Variants in SNX4 observed in about 807,000 individuals in gnomAD.
SNX4 encodes sorting nexin-4.
SNX4 carries 49 observed loss-of-function variants against 70.8 expected under a neutral mutation model. That is an observed-to-expected ratio of 0.69 (90% confidence interval 0.55 to 0.88). The LOEUF (loss-of-function observed/expected upper bound fraction) is 0.88, where lower values mean the gene tolerates loss of function less well. SNX4 is among the 40% of genes least tolerant of loss of function. The pLI is 0.00. For synonymous variants in SNX4, 206 were observed against 183.8 expected (o/e 1.12, Z -0.98); for missense variants, 528 against 544.8 (o/e 0.97, Z 0.31).
At chr3:125,459,782 C>T (rs1287492638) in intron 10 of SNX4, among the ~76,000 whole-genome samples, 1 of 152,068 alleles carries the variant, frequency 6.6e-6, no homozygotes, top group Non-Finnish European at 1.5e-5. Context: ...GGTGAGACTT[C>T]CTACTACTCA....
chr3:125,490,252 A>G (rs1005850599), intron 5 of SNX4, among the ~76,000 whole-genome samples: 2 of 151,644 alleles, frequency 1.3e-5, no homozygotes, highest in Non-Finnish European at 2.9e-5. Context: ...CACATGTACT[A>G]GGCCGGGCGC....
intron 1 of SNX4, among the ~76,000 whole-genome samples, chr3:125,507,457 G>C (rs1445980002): frequency 6.6e-6 from 1 of 151,902 alleles, no homozygotes; most frequent in South Asian, 2.1e-4. Flanking sequence ...AGAGGGGAGA[G>C]AGAAAAAGGA....
At chr3:125,448,868 G>A (rs1421085609) in intron 13 of SNX4, among the ~76,000 whole-genome samples, 2 of 151,424 alleles carry the variant, frequency 1.3e-5, no homozygotes, top group Non-Finnish European at 1.5e-5. Context: ...GTAGAGATGA[G>A]ATTTCACCGT....
At chr3:125,501,477 G>T (rs1934930692) in intron 2 of SNX4, among the ~76,000 whole-genome samples, 1 of 152,094 alleles carries the variant, frequency 6.6e-6, no homozygotes. Context: ...AAAATCAGCT[G>T]GGTGTGGTGG....
At chr3:125,456,833 G>C (rs1393038884) in intron 11 of SNX4, among the ~76,000 whole-genome samples, 1 of 152,070 alleles carries the variant, frequency 6.6e-6, no homozygotes, top group East Asian at 1.9e-4. Context: ...GCTAATTTTT[G>C]TATTTCTAGT....
chr3:125,506,507 A>ATTTT (rs554917775), intron 1 of SNX4, among the ~76,000 whole-genome samples: 13 of 134,700 alleles, frequency 9.7e-5, no homozygotes, highest in Non-Finnish European at 9.4e-5. Context: ...TACCAGGCTA[A>ATTTT]TTTTTTTTTT....
intron 13 of SNX4, among the ~76,000 whole-genome samples, chr3:125,450,797 T>C (rs1041913636): frequency 1.3e-5 from 2 of 152,260 alleles, no homozygotes; most frequent in East Asian, 1.9e-4. Context: ...CACGAAATAA[T>C]GTTCAAGCTA....
At chr3:125,464,564 C>CTTTTTTTTT (rs778518316) in intron 9 of SNX4, among the ~76,000 whole-genome samples, 7 of 67,054 alleles carry the variant, frequency 1.0e-4, no homozygotes, top group Non-Finnish European at 1.6e-4. Flanking sequence ...ATTTATCTTT[C>CTTTTTTTTT]TTTTTTTTTT....
At chr3:125,502,318 C>G (rs1169583813) in intron 2 of SNX4, among the ~76,000 whole-genome samples, 1 of 151,286 alleles carries the variant, frequency 6.6e-6, no homozygotes, top group Non-Finnish European at 1.5e-5. Context: ...CTCTCATTTC[C>G]TAAACTTCTT....
At chr3:125,497,493 GA>G (rs1475828159) in intron 4 of SNX4, 105 bp from the exon 5 acceptor site, 1 of 784,992 alleles carries the variant, frequency 1.3e-6, no homozygotes, top group African/African-American at 1.8e-5. Flanking sequence ...AGGAATTGGA[GA>G]GAGAAGTTTA....
chr3:125,461,309 G>C (rs74541185), intron 9 of SNX4, among the ~76,000 whole-genome samples: 1 of 152,208 alleles, frequency 6.6e-6, no homozygotes, highest in Non-Finnish European at 1.5e-5. Context: ...CAGTGATGTT[G>C]TAAGTACAGA....
intron 2 of SNX4, among the ~76,000 whole-genome samples, chr3:125,500,571 G>A (rs185817449): frequency 2.6e-5 from 4 of 152,080 alleles, no homozygotes; most frequent in Non-Finnish European, 5.9e-5. Flanking sequence ...GGAGGCCGAG[G>A]AGGGTGGATC....
chr3:125,463,989 C>T (rs1933945321), intron 9 of SNX4, among the ~76,000 whole-genome samples: 1 of 152,006 alleles, frequency 6.6e-6, no homozygotes, highest in African/African-American at 2.4e-5. Context: ...CGGTGGATTA[C>T]TTGAGCCCAG....
rs117445970 is a variant in SNX4 at position 125,475,008 on chromosome 3, G to A, written c.788+1687C>T. 8.5e-4 allele frequency among the ~76,000 whole-genome samples: 129 copies of A among 152,238 alleles called. 1 individual carries two copies. In the East Asian group the frequency reaches 0.021, roughly 25 times the overall value. On this transcript the variant is annotated intron_variant, in intron 8 of 13. Coordinates refer to ENST00000251775, the MANE Select transcript of SNX4 (RefSeq NM_003794.4). ...GACAGTATGAGGTAGACTTCAAAAC[G>A]TATAATACTATTTGTCTTTCTTCCC...
rs1934606274 is a variant in SNX4, at chr3:125,489,603, A to T, written c.598-140T>A. 4 of 659,094 alleles carry T rather than the reference A, an allele frequency of 6.1e-6. No homozygotes were observed. In the South Asian group the frequency reaches 7.6e-5, roughly 12 times the overall value. 40.8% of individuals were successfully genotyped at this position (659,094 alleles called of 1,614,324 possible). ...TGTTGTAAACACATTAAACATGCCT[A>T]AAAAAATAGCTTAGTAATTATTTTT... On this transcript the variant is annotated intron_variant, in intron 5 of 13. Transcript: ENST00000251775.
At position 125,447,690 on chromosome 3, in the gene SNX4, T is replaced by G; in HGVS notation, c.*89A>C. 1.2e-6 allele frequency: 1 copy of G among 811,818 alleles called. No individual in the cohort carries two copies. The highest frequency in any genetic ancestry group is 1.7e-5 in the South Asian group (1 of 57,956). The allele number at this position is 811,818 out of a possible 1,614,324, so 50.3% of individuals were successfully genotyped here. On this transcript the variant is annotated 3_prime_UTR_variant, in exon 14 of 14. Transcript: ENST00000251775. ...TTATTTAACTTATTGTATATGTTTATGTATACTAGGTAGTGACTTAAATTT... is the reference window on the plus strand; with the variant it reads ...TTATTTAACTTATTGTATATGTTTAGGTATACTAGGTAGTGACTTAAATTT...
In SNX4 at chr3:125,497,957, A is replaced by G; in HGVS notation, c.426T>C (p.Ser142=). The G allele has an allele frequency of 6.2e-7, 1 of 1,614,180 alleles. No individual in the cohort carries two copies. The highest frequency in any genetic ancestry group is 8.5e-7 in the Non-Finnish European group (1 of 1,180,022). The change falls in exon 4 of 14, where the codon TCT becomes TCC. Residue 142 remains serine (S), a synonymous_variant. Coordinates refer to ENST00000251775, the MANE Select transcript of SNX4 (RefSeq NM_003794.4). The part of the protein sequence containing the change: ...KRAEFVWHKL[S]ADNMDPDFVE... The stretch of plus-strand genomic sequence containing the variant: ...CAAAATCTGGATCCATGTTGTCAGC[A>G]GAGAGTTTATGCCAAACAAATTCTG...
At chr3:125,503,496 C>A (rs1396702419) in intron 2 of SNX4, among the ~76,000 whole-genome samples, 16 of 152,130 alleles carry the variant, frequency 1.1e-4, no homozygotes, top group African/African-American at 3.9e-4. Context: ...TCACCAAGTT[C>A]TTTTTCTTTG....
chr3:125,464,437 A>G (rs1211679963), intron 9 of SNX4, among the ~76,000 whole-genome samples: 1 of 151,450 alleles, frequency 6.6e-6, no homozygotes, highest in Admixed American at 6.6e-5. Flanking sequence ...CAAGTGTAAG[A>G]TAAGGCTCAA....
Sources: gnomAD v4.1 joint callset for allele counts (sites outside exome capture counted in the v4.1 genomes callset) on GRCh38, gnomAD v4.1.1 for gene constraint, MANE v1.5 for transcripts, NCBI Gene and HGNC (gene_info 2026-07-23, HGNC 2026-07-21) for gene names.